Variants in LRRC49 observed in about 807,000 individuals in gnomAD.
The protein encoded by LRRC49 is leucine-rich repeat-containing protein 49.
In LRRC49, 50 loss-of-function variants were observed where a neutral mutation model predicts 83.3. The ratio of observed to expected loss-of-function variants is 0.60; its 90% CI spans 0.48 to 0.76. LRRC49 has a LOEUF of 0.76. Ranked by LOEUF, LRRC49 falls within the 30% of genes least tolerant of loss-of-function variation. LRRC49 has a pLI of 0.00. For missense variants in LRRC49, 704 were observed against 809.1 expected, an observed-to-expected ratio of 0.87 and a Z score of 1.58; for synonymous variants, 286 against 283.3, an observed-to-expected ratio of 1.01 and a Z score of -0.10.
At chr15:70,865,961 C>T (rs1186444200) in intron 1 of LRRC49, among the ~76,000 whole-genome samples, 1 of 152,202 alleles carries the variant, frequency 6.6e-6, no homozygotes, top group East Asian at 1.9e-4. Context: ...TCATAGCATC[C>T]TGTGTTTATA....
chr15:70,886,823 G>A (rs539775848), intron 2 of LRRC49, among the ~76,000 whole-genome samples: 176 of 151,822 alleles, frequency 1.2e-3, no homozygotes, highest in Middle Eastern at 6.8e-3. Context: ...CTGAGATTGC[G>A]CCACTGCACT....
At chr15:70,899,943 C>T (rs1228606540) in intron 3 of LRRC49, among the ~76,000 whole-genome samples, 1 of 152,144 alleles carries the variant, frequency 6.6e-6, no homozygotes, top group Non-Finnish European at 1.5e-5. Flanking sequence ...CAAACTGTCA[C>T]GTTTGACCCA....
intron 5 of LRRC49, among the ~76,000 whole-genome samples, chr15:70,905,033 T>G (rs1045953235): frequency 6.6e-6 from 1 of 152,198 alleles, no homozygotes; most frequent in Non-Finnish European, 1.5e-5. Context: ...TGGCCTTGAT[T>G]TTGTTTTCTT....
At chr15:70,925,139 G>A (rs2035149908) in intron 7 of LRRC49, among the ~76,000 whole-genome samples, 1 of 152,008 alleles carries the variant, frequency 6.6e-6, no homozygotes, top group South Asian at 2.1e-4. Flanking sequence ...ACAGGCTACA[G>A]CAATTTCATT....
At chr15:70,859,278 T>A (rs758588902) in intron 1 of LRRC49, 34 of 844,474 alleles carry the variant, frequency 4.0e-5, no homozygotes, top group Non-Finnish European at 6.9e-5. Context: ...CGTACAGAGG[T>A]GGAGAATGAA....
intron 10 of LRRC49, among the ~76,000 whole-genome samples, chr15:70,980,810 A>G (rs2037372332): frequency 6.6e-6 from 1 of 152,158 alleles, no homozygotes; most frequent in African/African-American, 2.4e-5. Flanking sequence ...GTGTTCTAAA[A>G]TTAAGGACAT....
At chr15:70,935,840 T>C (rs1313783163) in intron 7 of LRRC49, among the ~76,000 whole-genome samples, 4 of 152,108 alleles carry the variant, frequency 2.6e-5, no homozygotes, top group Non-Finnish European at 5.9e-5. Flanking sequence ...CTGTATGTAC[T>C]CCTGGGCCAC....
At chr15:71,002,939 C>CTTT (rs35998597) in intron 11 of LRRC49, among the ~76,000 whole-genome samples, 16,041 of 42,970 alleles carry the variant, frequency 0.37, 6,996 homozygotes, top group Middle Eastern at 0.64. Context: ...ATTTTCTGGC[C>CTTT]TTTTTTTTTT....
chr15:71,003,014 C>T (rs978504607), intron 11 of LRRC49, among the ~76,000 whole-genome samples: 6 of 144,202 alleles, frequency 4.2e-5, no homozygotes, highest in African/African-American at 1.3e-4. Context: ...CTCAGCCCAC[C>T]GCAACCTCTG....
chr15:70,992,411 G>T (rs1027569594), intron 11 of LRRC49, among the ~76,000 whole-genome samples: 3 of 152,210 alleles, frequency 2.0e-5, no homozygotes, highest in African/African-American at 7.2e-5. Context: ...CAGCTTTTCT[G>T]CTCTGTTTTT....
chr15:70,871,495 G>A (rs1277716634), intron 1 of LRRC49, among the ~76,000 whole-genome samples: 1 of 152,206 alleles, frequency 6.6e-6, no homozygotes, highest in East Asian at 1.9e-4. Context: ...TGGCGGCCGG[G>A]CAGAGGGGCT....
intron 6 of LRRC49, among the ~76,000 whole-genome samples, chr15:70,916,905 T>C (rs914547124): frequency 4.6e-5 from 7 of 152,192 alleles, no homozygotes; most frequent in Non-Finnish European, 1.0e-4. Context: ...CTCTGCACTC[T>C]TGGGGACGCA....
At position 70,905,923 on chromosome 15, in the gene LRRC49, G is replaced by C. The variant is rs142810681; in HGVS notation, c.500+1168G>C. ...GATACTTCTATCTATCTGGAAAATA[G>C]ATCAGAGAATTCTTTTTATGGCCTC... is the stretch of plus-strand genomic sequence containing the variant. On this transcript the variant is annotated intron_variant, in intron 5 of 15. Transcript: ENST00000260382. Among the ~76,000 whole-genome samples, 351 of 152,170 alleles carry C rather than the reference G, an allele frequency of 2.3e-3. 4 individuals are homozygous for C. Among genetic ancestry groups the C allele is most frequent in the Admixed American group, 0.019 (296 of 15,282 alleles).
chr15:70,874,804 C>T (rs1461513199), intron 2 of LRRC49, among the ~76,000 whole-genome samples: 3 of 152,214 alleles, frequency 2.0e-5, no homozygotes, highest in Admixed American at 1.3e-4. Context: ...GGAAGATTTT[C>T]AATCTCTAAA....
At position 70,963,935 on chromosome 15, in the gene LRRC49, G is replaced by C. The variant is rs1169409745; in HGVS notation, c.921+3G>C. ...AGCTAGATATGAAGAGAATCACGGT[G>C]AGAACCCTTCCAAAGTGTTCACCAT... On this transcript the variant is annotated splice_donor_region_variant and intron_variant, in intron 9 of 15. Coordinates refer to ENST00000260382, the MANE Select transcript of LRRC49 (RefSeq NM_017691.5). 1 of 1,612,226 alleles carries C rather than the reference G, an allele frequency of 6.2e-7. No individual in the cohort carries two copies. The highest frequency in any genetic ancestry group is 1.3e-5 in the African/African-American group (1 of 74,830).
chr15:70,854,684 C>T (rs2032607389), intron 1 of LRRC49, among the ~76,000 whole-genome samples: 1 of 152,158 alleles, frequency 6.6e-6, no homozygotes, highest in Admixed American at 6.5e-5. Context: ...TGCCCTGTAT[C>T]AGTTTTTCTC....
At chr15:70,934,589 T>C (rs2035533608) in intron 7 of LRRC49, among the ~76,000 whole-genome samples, 1 of 152,220 alleles carries the variant, frequency 6.6e-6, no homozygotes, top group South Asian at 2.1e-4. Context: ...TAAATAATTA[T>C]AATTTTGTCA....
At chr15:70,901,773 T>C (rs2034090797) in intron 4 of LRRC49, among the ~76,000 whole-genome samples, 2 of 152,240 alleles carry the variant, frequency 1.3e-5, no homozygotes, top group African/African-American at 2.4e-5. Context: ...TTCTGTATTA[T>C]TGGTATTTAG....
chr15:70,891,567 C>CTGTGTGTGTGTGTGTG (rs3220843), upstream of LRRC49, among the ~76,000 whole-genome samples: 250 of 137,130 alleles, frequency 1.8e-3, 1 homozygote, highest in Admixed American at 7.4e-3. Context: ...GGACAAGACT[C>CTGTGTGTGTGTGTGTG]TGTGTGTGTG....
Sources: gnomAD v4.1 joint callset for allele counts (sites outside exome capture counted in the v4.1 genomes callset) on GRCh38, gnomAD v4.1.1 for gene constraint, MANE v1.5 for transcripts, NCBI Gene and HGNC (gene_info 2026-07-23, HGNC 2026-07-21) for gene names.